The following GC variants were observed in gnomAD, a reference collection of about 807,000 sequenced individuals.
GC encodes the protein vitamin D-binding protein.
GC carries 43 observed loss-of-function variants against 56.7 expected under a neutral mutation model. The observed-to-expected ratio is 0.76, with a 90% CI of 0.59 to 0.98. GC has a LOEUF of 0.98. Ranked by LOEUF, GC falls within the 50% of genes least tolerant of loss-of-function variation. The pLI is 0.00. For synonymous variants in GC, 216 were observed against 202.7 expected (o/e 1.07, Z -0.56); for missense variants, 529 against 545.9 (o/e 0.97, Z 0.31).
intron 11 of GC, among the ~76,000 whole-genome samples, chr4:71,746,786 A>C (rs1364555177): frequency 6.6e-6 from 1 of 151,292 alleles, no homozygotes; most frequent in African/African-American, 2.4e-5. Context: ...AAAAAAAAAA[A>C]AAAAAAAAAC....
chr4:71,764,737 A>G (rs1017792162), intron 4 of GC, among the ~76,000 whole-genome samples: 1 of 152,220 alleles, frequency 6.6e-6, no homozygotes, highest in Non-Finnish European at 1.5e-5. Context: ...GAAAATTGAC[A>G]GGAATGAGCA....
chr4:71,780,485 C>T (rs1742637948), intron 1 of GC, among the ~76,000 whole-genome samples: 2 of 152,092 alleles, frequency 1.3e-5, no homozygotes, highest in Admixed American at 1.3e-4. Context: ...ATGTACCCAT[C>T]TGACAAAGGG....
chr4:71,801,294 G>C (rs1294964488), intron 1 of GC, among the ~76,000 whole-genome samples: 1 of 152,182 alleles, frequency 6.6e-6, no homozygotes, highest in African/African-American at 2.4e-5. Context: ...ACACCTATTA[G>C]AATGACTACA....
intron 8 of GC, among the ~76,000 whole-genome samples, chr4:71,755,661 C>T (rs1741744692): frequency 6.6e-6 from 1 of 152,104 alleles, no homozygotes; most frequent in Non-Finnish European, 1.5e-5. Context: ...ATGTAATATA[C>T]ATTTAAATAT....
At chr4:71,771,198 A>G (rs975977510) in intron 1 of GC, among the ~76,000 whole-genome samples, 2 of 152,174 alleles carry the variant, frequency 1.3e-5, no homozygotes, top group Non-Finnish European at 2.9e-5. Flanking sequence ...GTCAGGCTTT[A>G]ATCCCAAAGA....
intron 1 of GC, among the ~76,000 whole-genome samples, chr4:71,780,537 G>GAA (rs201788452): frequency 0.047 from 7,179 of 151,662 alleles, 361 homozygotes; most frequent in African/African-American, 0.12. Context: ...AAATTTATAA[G>GAA]AAAAAAACAA....
At chr4:71,791,710 AC>A (rs1214705758) in intron 1 of GC, among the ~76,000 whole-genome samples, 4 of 151,630 alleles carry the variant, frequency 2.6e-5, no homozygotes, top group Non-Finnish European at 5.9e-5. Context: ...GTACATGTGC[AC>A]AATGTGCAGG....
intron 1 of GC, among the ~76,000 whole-genome samples, chr4:71,772,638 A>G (rs1213368375): frequency 1.3e-5 from 2 of 152,166 alleles, no homozygotes; most frequent in East Asian, 1.9e-4. Context: ...ATGCAAACTG[A>G]TGAGAGAAAA....
At chr4:71,754,790 AT>A (rs2149295918) in intron 9 of GC, among the ~76,000 whole-genome samples, 187 bp downstream of exon 9, 1 of 152,298 alleles carries the variant, frequency 6.6e-6, no homozygotes, top group East Asian at 1.9e-4. Flanking sequence ...ATTTTGAATA[AT>A]TTTCATGGGT....
At chr4:71,796,682 T>C (rs1332511394) in intron 1 of GC, among the ~76,000 whole-genome samples, 3 of 152,240 alleles carry the variant, frequency 2.0e-5, no homozygotes, top group African/African-American at 4.8e-5. Flanking sequence ...GTCAAAGTCA[T>C]TCTCCATCCA....
intron 1 of GC, among the ~76,000 whole-genome samples, chr4:71,776,322 T>A (rs937041722): frequency 6.6e-6 from 1 of 151,820 alleles, no homozygotes; most frequent in Admixed American, 6.6e-5. Flanking sequence ...TATTCAGCCT[T>A]AAAAAGAGAA....
In GC at chr4:71,765,801, AGTT is replaced by A. The variant is rs1742137237; in HGVS notation, c.262-161_262-159del. Among the ~76,000 whole-genome samples the A allele has an allele frequency of 2.0e-5, 3 of 152,138 alleles. No individual in the cohort carries two copies. The South Asian group carries it at 6.2e-4, about 32-fold the overall frequency. ...CATGAAGTGATTTTTTAACATGACA[AGTT>A]GTGTGATTATCGGCAAGTATAGGAT... On this transcript the variant is annotated intron_variant, in intron 3 of 12. Coordinates refer to ENST00000273951, the MANE Select transcript of GC (RefSeq NM_000583.4).
At chr4:71,763,962 C>A (rs752706268) in intron 4 of GC, 26 bp from the exon 5 acceptor site, 1 of 1,591,600 alleles carries the variant, frequency 6.3e-7, no homozygotes, top group Non-Finnish European at 8.6e-7. Context: ...TAGAATTGGT[C>A]AAAAAATTTG....
chr4:71,755,231 T>A, intron 8 of GC, 124 bp from the exon 9 acceptor site: 1 of 284,304 alleles, frequency 3.5e-6, no homozygotes, highest in Non-Finnish European at 6.0e-6. Flanking sequence ...GGTGCCATCT[T>A]GGCTCGCTGT....
intron 12 of GC, among the ~76,000 whole-genome samples, chr4:71,745,430 T>G (rs1353241847): frequency 1.3e-5 from 2 of 152,196 alleles, no homozygotes; most frequent in Non-Finnish European, 2.9e-5. Flanking sequence ...CACATTATTT[T>G]GGGCAGAGTT....
At chr4:71,750,618 C>A (rs1342341260) in intron 11 of GC, among the ~76,000 whole-genome samples, 1 of 152,180 alleles carries the variant, frequency 6.6e-6, no homozygotes, top group Non-Finnish European at 1.5e-5. Context: ...GGCGCAGTGG[C>A]TCACACCTGT....
chr4:71,755,237 G>A (rs922299442), intron 8 of GC, 130 bp from the exon 9 acceptor site: 2 of 262,000 alleles, frequency 7.6e-6, no homozygotes, highest in South Asian at 1.2e-4. Flanking sequence ...ATCTTGGCTC[G>A]CTGTAACCTC....
rs900842312 is a variant in GC at position 71,789,655 on chromosome 4, C to A, written c.22-5601G>T. Reference sequence around the variant, plus strand: ...TAATGGCCGACCAAAGTTGCCCACACCCTAATCCCTGCAACCTGTAATTCT... The same window carrying A: ...TAATGGCCGACCAAAGTTGCCCACAACCTAATCCCTGCAACCTGTAATTCT... On this transcript the variant is annotated intron_variant, in intron 1 of 13. Transcript: ENST00000504199. 3.3e-5 allele frequency among the ~76,000 whole-genome samples: 5 copies of A among 151,922 alleles called. No homozygotes were observed. The East Asian group carries it at 7.7e-4, about 24-fold the overall frequency.
chr4:71,789,970 C>G lies in GC; in HGVS notation c.22-5916G>C, dbSNP rs112181854. 1.7e-4 allele frequency among the ~76,000 whole-genome samples: 26 copies of G among 152,046 alleles called. 2 individuals carry two copies. The highest frequency in any genetic ancestry group is 6.3e-4 in the African/African-American group (26 of 41,528). ...AGAAAATGGAAAGGAGTGTTAAAAT[C>G]TCCAATTCCCATTGAGAATTTTAGC... On this transcript the variant is annotated intron_variant, in intron 1 of 13. Transcript: ENST00000504199.
Sources: allele counts gnomAD v4.1 joint callset (sites outside exome capture counted in the v4.1 genomes callset), GRCh38; gene constraint gnomAD v4.1.1; transcripts MANE v1.5; gene names NCBI Gene and HGNC (gene_info 2026-07-23, HGNC 2026-07-21).